Variants in GALNT18 observed in about 807,000 individuals in gnomAD.
GALNT18 encodes polypeptide N-acetylgalactosaminyltransferase 18.
GALNT18 carries 44 observed loss-of-function variants against 69.5 expected under a neutral mutation model. That is an observed-to-expected ratio of 0.63 (90% confidence interval 0.50 to 0.81). The LOEUF (loss-of-function observed/expected upper bound fraction) is 0.81. Among genes scored for constraint, GALNT18 ranks in the 40% least tolerant of loss-of-function variants. The pLI is 0.00. For synonymous variants in GALNT18, 364 were observed against 318.2 expected (o/e 1.14, Z -1.53); for missense variants, 715 against 810.0 (o/e 0.88, Z 1.42).
At chr11:11,284,930 T>TA (rs1554909663) in intron 10 of GALNT18, among the ~76,000 whole-genome samples, 2 of 134,636 alleles carry the variant, frequency 1.5e-5, no homozygotes, top group East Asian at 2.2e-4. Context: ...TTTTTTTTTT[T>TA]AACTACTTGG....
intron 9 of GALNT18, among the ~76,000 whole-genome samples, chr11:11,313,433 A>T (rs1437478384): frequency 6.6e-6 from 1 of 152,208 alleles, no homozygotes; most frequent in Non-Finnish European, 1.5e-5. Context: ...TTTCCTTTAG[A>T]TCCTAAGGAG....
chr11:11,295,716 T>C (rs4559684), intron 9 of GALNT18, among the ~76,000 whole-genome samples: 64,234 of 151,894 alleles, frequency 0.42, 14,128 homozygotes, highest in Middle Eastern at 0.53. Flanking sequence ...CTGTGGTCAC[T>C]TTACAAGTTA....
rs1848811432 is a variant in GALNT18, at chr11:11,270,904, TATAA to T, written c.*236_*239del. 7.3e-6 allele frequency: 3 copies of T among 410,722 alleles called. No homozygotes were observed. The highest frequency in any genetic ancestry group is 7.1e-5 in the South Asian group (1 of 13,998). 25.4% of individuals were successfully genotyped at this position (410,722 alleles called of 1,614,324 possible). On this transcript the variant is annotated 3_prime_UTR_variant, in exon 11 of 11. Transcript: ENST00000227756. ...TTCTTAATAATATTTTATTGTCAGT[TATAA>T]ATATTTTCCATCTGTCCCCTATTTA...
chr11:11,479,727 G>A (rs1856482176), intron 1 of GALNT18, among the ~76,000 whole-genome samples: 1 of 152,166 alleles, frequency 6.6e-6, no homozygotes, highest in African/African-American at 2.4e-5. Flanking sequence ...GCCCCATGCG[G>A]AAGTCACGTC....
intron 9 of GALNT18, 148 bp downstream of exon 9, chr11:11,326,937 GC>G: frequency 1.6e-6 from 1 of 614,080 alleles, no homozygotes. Context: ...ATGAGGATGT[GC>G]CCTAATGAAA....
chr11:11,384,414 C>T (rs907611139), intron 3 of GALNT18, among the ~76,000 whole-genome samples: 26 of 152,174 alleles, frequency 1.7e-4, no homozygotes, highest in African/African-American at 5.8e-4. Context: ...CTTGCTATGT[C>T]CTCAAGTGGC....
intron 10 of GALNT18, among the ~76,000 whole-genome samples, chr11:11,281,388 C>T (rs192009021): frequency 8.5e-5 from 13 of 152,280 alleles, no homozygotes; most frequent in South Asian, 2.1e-4. Context: ...ATAAACCGTA[C>T]GGATCGGAGG....
At chr11:11,271,739 T>C (rs2132969029) in intron 10 of GALNT18, among the ~76,000 whole-genome samples, 1 of 152,306 alleles carries the variant, frequency 6.6e-6, no homozygotes, top group Middle Eastern at 3.4e-3. Context: ...GAGTCATCAA[T>C]ACTGGTTTCA....
At position 11,583,894 on chromosome 11, in the gene GALNT18, A is replaced by C. The variant is rs1025992423; in HGVS notation, c.235+37465T>G. Among the ~76,000 whole-genome samples the C allele has an allele frequency of 3.3e-5, 5 of 152,210 alleles. No individual in the cohort carries two copies. Among genetic ancestry groups the C allele is most frequent in the African/African-American group, 1.2e-4 (5 of 41,456 alleles). The stretch of plus-strand genomic sequence containing the variant: ...AGCAGATGATCTCAATATCATTATA[A>C]GGCCCAAATAAATGAATTATGGTCT... On this transcript the variant is annotated intron_variant, in intron 1 of 10. Coordinates refer to ENST00000227756, the MANE Select transcript of GALNT18 (RefSeq NM_198516.3). This position sits in a 1 kb window ranked among gnomAD's most constrained non-coding sequence, Gnocchi z 4.7.
At chr11:11,367,160 A>C (rs887917878) in intron 6 of GALNT18, among the ~76,000 whole-genome samples, 1 of 152,180 alleles carries the variant, frequency 6.6e-6, no homozygotes, top group East Asian at 1.9e-4. Context: ...TTCTACTCCC[A>C]ATCAGATCTT....
chr11:11,501,522 G>A (rs1856971853), intron 1 of GALNT18, among the ~76,000 whole-genome samples: 1 of 152,154 alleles, frequency 6.6e-6, no homozygotes, highest in Non-Finnish European at 1.5e-5. Flanking sequence ...ACTCTTTCGT[G>A]AGCAAACTAT....
chr11:11,280,805 G>C (rs1849057246), intron 10 of GALNT18, among the ~76,000 whole-genome samples: 1 of 152,164 alleles, frequency 6.6e-6, no homozygotes, highest in Non-Finnish European at 1.5e-5. Flanking sequence ...TGGTGCTCCT[G>C]ATGGGTGTGA....
intron 10 of GALNT18, among the ~76,000 whole-genome samples, chr11:11,288,681 G>C (rs2132998019): frequency 6.6e-6 from 1 of 152,306 alleles, no homozygotes; most frequent in South Asian, 2.1e-4. Context: ...GTTGCCAAGA[G>C]ATGTTTTCAT....
chr11:11,560,203 A>ATGATGGGATGGGGTG (rs1565012928), intron 1 of GALNT18, among the ~76,000 whole-genome samples: 4 of 2,474 alleles, frequency 1.6e-3, no homozygotes, highest in Non-Finnish European at 2.6e-3. Context: ...TGGGTGAGAT[A>ATGATGGGATGGGGTG]GAATAGAATG....
At chr11:11,378,950 A>C (rs1036279759) in intron 4 of GALNT18, 131 bp downstream of exon 4, 8 of 868,670 alleles carry the variant, frequency 9.2e-6, no homozygotes, top group Admixed American at 3.1e-5. Flanking sequence ...TCACACACCT[A>C]CATCTCACCT....
chr11:11,284,908 GTT>G (rs58795517), intron 10 of GALNT18, among the ~76,000 whole-genome samples: 1,248 of 82,798 alleles, frequency 0.015, 22 homozygotes, highest in South Asian at 0.058. Flanking sequence ...AGACTTTCGT[GTT>G]TTTTTTTTTT....
rs1030082451 is a variant in GALNT18, at chr11:11,372,691, T to C, written c.978-62A>G. On this transcript the variant is annotated intron_variant, in intron 5 of 10. Transcript: ENST00000227756. The surrounding 1 kb of genome is among the most constrained non-coding windows in gnomAD (Gnocchi z 4.9). ...GCAGCTGTCCGAGGAGTAAGAGCAG[T>C]AAGGCCTTCCTATCAGGAGGGTCTG... The C allele has an allele frequency of 7.1e-6, 9 of 1,271,384 alleles. No homozygotes were observed. The African/African-American group carries it at 7.3e-5, about 10-fold the overall frequency. 78.8% of individuals were successfully genotyped at this position (1,271,384 alleles called of 1,614,324 possible).
In GALNT18 at chr11:11,338,497, T is replaced by C. The variant is rs546001166; in HGVS notation, c.1278+2322A>G. On this transcript the variant is annotated intron_variant, in intron 7 of 10. Coordinates refer to ENST00000227756, the MANE Select transcript of GALNT18 (RefSeq NM_198516.3). The surrounding 1 kb of genome is among the most constrained non-coding windows in gnomAD (Gnocchi z 5.3). ...GACAGGGCATTGAGAGAGAGGAAGATTGAAGGATGATGTCATTTTCAAACT... is the reference window on the plus strand; with the variant it reads ...GACAGGGCATTGAGAGAGAGGAAGACTGAAGGATGATGTCATTTTCAAACT... 1.1e-3 allele frequency among the ~76,000 whole-genome samples: 161 copies of C among 151,788 alleles called. No homozygotes were observed. The highest frequency in any genetic ancestry group is 3.6e-3 in the African/African-American group (151 of 41,384).
At chr11:11,481,722 G>A (rs1384815209) in intron 1 of GALNT18, among the ~76,000 whole-genome samples, 1 of 152,146 alleles carries the variant, frequency 6.6e-6, no homozygotes, top group Non-Finnish European at 1.5e-5. Flanking sequence ...GTGCACTGAA[G>A]GAGTAGAATG....
Sources: gnomAD v4.1 joint callset for allele counts (sites outside exome capture counted in the v4.1 genomes callset) on GRCh38, gnomAD v4.1.1 for gene constraint, Gnocchi (gnomAD v3.1) non-coding constraint, MANE v1.5 for transcripts, NCBI Gene and HGNC (gene_info 2026-07-23, HGNC 2026-07-21) for gene names.